CALN1: variants seen among roughly 807,000 people sequenced by gnomAD.
CALN1 encodes the protein calneuron 1.
A neutral mutation model predicts 30.6 loss-of-function variants in CALN1; 17 were observed. That is an observed-to-expected ratio of 0.56 (90% confidence interval 0.38 to 0.83). CALN1 has a LOEUF of 0.83. Ranked by LOEUF, CALN1 falls within the 40% of genes least tolerant of loss-of-function variation. The pLI, the probability that CALN1 is intolerant of heterozygous loss-of-function variation, is 0.00. For missense variants in CALN1, 291 were observed against 354.9 expected (o/e 0.82, Z 1.45); for synonymous variants, 156 against 131.4 (o/e 1.19, Z -1.28).
chr7:72,269,158 C>T (rs977983984), intron 3 of CALN1, among the ~76,000 whole-genome samples: 78 of 152,218 alleles, frequency 5.1e-4, no homozygotes, highest in African/African-American at 1.8e-3. Context: ...TGTGTGGGTT[C>T]CCCATGAACA....
At chr7:72,014,187 G>A (rs844708) in intron 5 of CALN1, among the ~76,000 whole-genome samples, 43,821 of 150,746 alleles carry the variant, frequency 0.29, 10,111 homozygotes, top group African/African-American at 0.64. Flanking sequence ...CCTGGGCTCC[G>A]GTGATTCCCC....
intron 5 of CALN1, among the ~76,000 whole-genome samples, chr7:71,883,059 A>G (rs947542530): frequency 1.3e-5 from 2 of 152,108 alleles, no homozygotes; most frequent in African/African-American, 4.8e-5. Flanking sequence ...GACCTACTAT[A>G]TATTTATTTG....
chr7:71,937,106 T>C (rs1338221197), intron 5 of CALN1, among the ~76,000 whole-genome samples: 2 of 152,124 alleles, frequency 1.3e-5, no homozygotes, highest in East Asian at 1.9e-4. Context: ...TATCTATCTT[T>C]CTAATCTATA....
chr7:71,812,189 G>A (rs1018661910), intron 5 of CALN1, among the ~76,000 whole-genome samples: 1 of 152,232 alleles, frequency 6.6e-6, no homozygotes, highest in Non-Finnish European at 1.5e-5. Context: ...ACAATGGACA[G>A]CTCACGTCAG....
chr7:71,820,728 T>C (rs1371166787), intron 5 of CALN1, among the ~76,000 whole-genome samples: 1 of 152,216 alleles, frequency 6.6e-6, no homozygotes, highest in African/African-American at 2.4e-5. Flanking sequence ...TATCTTTGAG[T>C]TGTATTTTTA....
chr7:71,782,353 G>C lies in CALN1; in HGVS notation c.*5422C>G, dbSNP rs1222370907. The C allele has an allele frequency of 2.6e-5, 4 of 152,170 alleles. No individual in the cohort carries two copies. Among genetic ancestry groups the C allele is most frequent in the Non-Finnish European group, 2.9e-5 (2 of 68,048 alleles). 9.4% of individuals were successfully genotyped at this position (152,170 alleles called of 1,614,324 possible). A position where few individuals can be genotyped will look rare whatever the true frequency, so the allele number is the denominator to read the frequency against. ...TCTCTCTTGCTCCTGTTCTTGCTGT[G>C]TGACGTGCCTGCTCCCCCTTCACCT... On this transcript the variant is annotated 3_prime_UTR_variant, in exon 7 of 7. Coordinates refer to ENST00000395275, the MANE Select transcript of CALN1 (RefSeq NM_031468.4).
intron 5 of CALN1, among the ~76,000 whole-genome samples, chr7:71,852,829 T>C (rs67740126): frequency 0.14 from 21,365 of 152,220 alleles, 2,395 homozygotes; most frequent in East Asian, 0.52. Context: ...CGTCTTTATA[T>C]TGATTGTGCT....
intron 2 of CALN1, among the ~76,000 whole-genome samples, chr7:72,287,844 A>T (rs1798194703): frequency 6.6e-6 from 1 of 152,128 alleles, no homozygotes; most frequent in Admixed American, 6.5e-5. Flanking sequence ...GTGTCTCTTC[A>T]TATATATTTG....
At chr7:72,070,107 C>T (rs1451756064) in intron 4 of CALN1, among the ~76,000 whole-genome samples, 1 of 152,182 alleles carries the variant, frequency 6.6e-6, no homozygotes, top group East Asian at 1.9e-4. Context: ...TTTCTAATTG[C>T]TTTAGGAAAA....
chr7:72,382,631 T>A (rs116494303), intron 2 of CALN1, among the ~76,000 whole-genome samples: 1 of 152,184 alleles, frequency 6.6e-6, no homozygotes, highest in African/African-American at 2.4e-5. Flanking sequence ...TCTCCTCTAG[T>A]AGTCCTCAGT....
chr7:71,845,525 C>T (rs1219676762), intron 5 of CALN1, among the ~76,000 whole-genome samples: 1 of 152,184 alleles, frequency 6.6e-6, no homozygotes, highest in Non-Finnish European at 1.5e-5. Flanking sequence ...TTGCCCTCTG[C>T]TGTTTGGCCT....
chr7:72,269,300 T>C (rs1025188501), intron 3 of CALN1, among the ~76,000 whole-genome samples: 5 of 152,178 alleles, frequency 3.3e-5, no homozygotes, highest in South Asian at 2.1e-4. Context: ...GTTGGTGTGC[T>C]GCACCCATTA....
At chr7:71,838,674 G>C (rs1046358059) in intron 5 of CALN1, among the ~76,000 whole-genome samples, 2 of 152,224 alleles carry the variant, frequency 1.3e-5, no homozygotes, top group African/African-American at 4.8e-5. Flanking sequence ...AGCCCAGTGG[G>C]AGGTAATTGA....
At chr7:72,173,284 A>G (rs1302587050) in intron 3 of CALN1, among the ~76,000 whole-genome samples, 3 of 152,160 alleles carry the variant, frequency 2.0e-5, no homozygotes, top group Non-Finnish European at 2.9e-5. Context: ...GTTGAAGGTT[A>G]TAATTTAACG....
chr7:71,875,932 C>G (rs560966382), intron 5 of CALN1, among the ~76,000 whole-genome samples: 1 of 152,256 alleles, frequency 6.6e-6, no homozygotes, highest in South Asian at 2.1e-4. Context: ...GTGTCCCTGA[C>G]CATGAGCACA....
chr7:71,892,743 A>C (rs1370349073), intron 5 of CALN1, among the ~76,000 whole-genome samples: 5 of 152,334 alleles, frequency 3.3e-5, no homozygotes, highest in Admixed American at 2.0e-4. Flanking sequence ...GGGCTTACAA[A>C]GCCCTCCTCA....
chr7:71,933,957 T>C (rs754454881), intron 5 of CALN1, among the ~76,000 whole-genome samples: 57 of 152,250 alleles, frequency 3.7e-4, no homozygotes, highest in Admixed American at 6.5e-4. Context: ...CAAGGAAACC[T>C]CAAATGTATG....
At chr7:71,818,320 G>A (rs1212402470) in intron 5 of CALN1, among the ~76,000 whole-genome samples, 2 of 152,038 alleles carry the variant, frequency 1.3e-5, no homozygotes, top group Non-Finnish European at 2.9e-5. Flanking sequence ...AGAGGAGACG[G>A]TCAGGTAGGG....
intron 5 of CALN1, among the ~76,000 whole-genome samples, chr7:71,953,398 G>T (rs1796795088): frequency 6.6e-6 from 1 of 152,114 alleles, no homozygotes; most frequent in African/African-American, 2.4e-5. Flanking sequence ...TGTGGTAGAA[G>T]AATGGATTTA....
Sources: gnomAD v4.1 joint callset for allele counts (sites outside exome capture counted in the v4.1 genomes callset) on GRCh38, gnomAD v4.1.1 for gene constraint, MANE v1.5 for transcripts, NCBI Gene and HGNC (gene_info 2026-07-23, HGNC 2026-07-21) for gene names.